The following ZFYVE1 variants were observed in gnomAD, a reference collection of about 807,000 sequenced individuals.
ZFYVE1 encodes the protein zinc finger FYVE domain-containing protein 1.
ZFYVE1 carries 30 observed loss-of-function variants against 74.4 expected under a neutral mutation model. That is an observed-to-expected ratio of 0.40 (90% CI 0.30 to 0.55). ZFYVE1 has a LOEUF of 0.55. Ranked by LOEUF, ZFYVE1 falls within the 20% of genes least tolerant of loss-of-function variation. ZFYVE1 has a pLI of 0.42. For synonymous variants in ZFYVE1, 335 were observed against 385.1 expected, an observed-to-expected ratio of 0.87 and a Z score of 1.52; for missense variants, 703 against 1,011.6, an observed-to-expected ratio of 0.69 and a Z score of 4.14.
intron 11 of ZFYVE1, among the ~76,000 whole-genome samples, chr14:72,972,730 CAG>C (rs1183669155): frequency 5.4e-5 from 8 of 147,368 alleles, no homozygotes; most frequent in African/African-American, 1.3e-4. Context: ...TTTTTTGAGA[CAG>C]AGTCTCGCTC....
intron 2 of ZFYVE1, among the ~76,000 whole-genome samples, chr14:73,023,440 TA>T (rs1157534453): frequency 7.5e-6 from 1 of 133,204 alleles, no homozygotes; most frequent in African/African-American, 2.8e-5. Context: ...ATTATATATA[TA>T]TTTTATATAT....
intron 3 of ZFYVE1, among the ~76,000 whole-genome samples, chr14:72,996,877 CGAAT>C (rs1893760978): frequency 6.6e-6 from 1 of 152,244 alleles, no homozygotes; most frequent in Non-Finnish European, 1.5e-5. Flanking sequence ...CTTTGATGAC[CGAAT>C]GAACAAGTGA....
chr14:73,025,660 C>T (rs1367217753), intron 1 of ZFYVE1, among the ~76,000 whole-genome samples: 4 of 141,022 alleles, frequency 2.8e-5, no homozygotes, highest in Non-Finnish European at 6.0e-5. Flanking sequence ...CTTGCCACTG[C>T]ACTCCAGCCT....
Position 72,974,011 on chromosome 14 carries a change from A to G in ZFYVE1, c.2101+69T>C. 2.1e-6 allele frequency: 3 copies of G among 1,407,372 alleles called. No individual in the cohort carries two copies. In the South Asian group the frequency reaches 3.5e-5, roughly 16 times the overall value. 87.2% of individuals were successfully genotyped at this position (1,407,372 alleles called of 1,614,324 possible). On this transcript the variant is annotated intron_variant, in intron 11 of 11. Coordinates refer to ENST00000556143, the MANE Select transcript of ZFYVE1 (RefSeq NM_021260.4). ...TAGGTTGGCAAGCCTTTACAAAGTG[A>G]CAGCCCAGGGCACCTGAAACCCCTC...
At chr14:73,015,998 T>C (rs532564086) in intron 2 of ZFYVE1, among the ~76,000 whole-genome samples, 10 of 152,252 alleles carry the variant, frequency 6.6e-5, no homozygotes, top group Non-Finnish European at 8.8e-5. Context: ...TGTTTCACCT[T>C]TCTTCTCCTG....
intron 2 of ZFYVE1, among the ~76,000 whole-genome samples, chr14:73,015,516 T>C (rs1010201459): frequency 2.6e-5 from 4 of 151,876 alleles, no homozygotes; most frequent in Non-Finnish European, 5.9e-5. Flanking sequence ...CTCAGCCTCC[T>C]GAGTAGCTGG....
At chr14:72,982,900 C>T (rs186092386) in intron 4 of ZFYVE1, among the ~76,000 whole-genome samples, 2 of 151,798 alleles carry the variant, frequency 1.3e-5, no homozygotes, top group Non-Finnish European at 2.9e-5. Context: ...CTGGAGTGCA[C>T]TGGCACGATC....
At chr14:73,009,257 C>T (rs1309728911) in intron 2 of ZFYVE1, among the ~76,000 whole-genome samples, 1 of 152,174 alleles carries the variant, frequency 6.6e-6, no homozygotes, top group African/African-American at 2.4e-5. Context: ...TGTTATTCAC[C>T]TCTAAAATGA....
At position 73,024,872 on chromosome 14, in the gene ZFYVE1, T is replaced by A. The variant is rs1894424381; in HGVS notation, c.-364A>T. On this transcript the variant is annotated 5_prime_UTR_variant, in exon 2 of 12. Transcript: ENST00000556143. ...TCGGTTGGACATCAGCTACAAAGTT[T>A]TGGTAATGAAAGAAAGTGGTCAGGA... 2 of 177,538 alleles carry A rather than the reference T, an allele frequency of 1.1e-5. No individual in the cohort carries two copies. Among genetic ancestry groups the A allele is most frequent in the South Asian group, 3.7e-4 (2 of 5,420 alleles). 11.0% of individuals were successfully genotyped at this position (177,538 alleles called of 1,614,324 possible). A position where few individuals can be genotyped will look rare whatever the true frequency, so the allele number is the denominator to read the frequency against.
chr14:72,988,496 T>A (rs186833699), intron 4 of ZFYVE1, among the ~76,000 whole-genome samples: 1 of 151,768 alleles, frequency 6.6e-6, no homozygotes, highest in Non-Finnish European at 1.5e-5. Flanking sequence ...TTTTTAAATA[T>A]ACTAATGGCA....
At chr14:73,014,205 T>G (rs922155921) in intron 2 of ZFYVE1, among the ~76,000 whole-genome samples, 9 of 152,176 alleles carry the variant, frequency 5.9e-5, no homozygotes, top group African/African-American at 1.9e-4. Context: ...TGGGTCAAAT[T>G]TGAAACATCC....
chr14:72,980,568 T>A (rs1437240236), intron 5 of ZFYVE1, among the ~76,000 whole-genome samples: 4 of 148,412 alleles, frequency 2.7e-5, no homozygotes, highest in Non-Finnish European at 1.5e-5. Context: ...TTTATTTATT[T>A]ATTTATTTAT....
chr14:73,003,054 C>CTTTTTTTTTTTTTTTTT (rs201185010), intron 2 of ZFYVE1, among the ~76,000 whole-genome samples: 1 of 102,970 alleles, frequency 9.7e-6, no homozygotes, highest in Non-Finnish European at 1.8e-5. Context: ...TTTTTCTTTT[C>CTTTTTTTTTTTTTTTTT]TTTTTTTTTT....
At chr14:72,978,384 T>G in intron 6 of ZFYVE1, 150 bp from the exon 7 acceptor site, 1 of 682,612 alleles carries the variant, frequency 1.5e-6, no homozygotes, top group Non-Finnish European at 2.4e-6. Flanking sequence ...CTGGCCAACA[T>G]GGTGAAACCC....
At chr14:72,992,766 T>C (rs1040836833) in intron 4 of ZFYVE1, among the ~76,000 whole-genome samples, 2 of 152,026 alleles carry the variant, frequency 1.3e-5, no homozygotes, top group African/African-American at 2.4e-5. Flanking sequence ...GTTTCCTCTA[T>C]GAATAAATTA....
At chr14:73,026,182 C>T (rs1008833539) in intron 1 of ZFYVE1, among the ~76,000 whole-genome samples, 4 of 149,262 alleles carry the variant, frequency 2.7e-5, no homozygotes, top group Non-Finnish European at 5.9e-5. Flanking sequence ...CTACTTTGAC[C>T]CATGGCAAAG....
chr14:72,985,867 C>G (rs181701060), intron 4 of ZFYVE1, among the ~76,000 whole-genome samples: 1 of 152,314 alleles, frequency 6.6e-6, no homozygotes, highest in East Asian at 1.9e-4. Flanking sequence ...CCTGCCTCAG[C>G]CTTCCAAACT....
chr14:72,972,039 T>A (rs1193765877), intron 11 of ZFYVE1, among the ~76,000 whole-genome samples: 1 of 152,056 alleles, frequency 6.6e-6, no homozygotes, highest in Non-Finnish European at 1.5e-5. Flanking sequence ...CTGGCCAACA[T>A]GGTGAAACCC....
intron 2 of ZFYVE1, among the ~76,000 whole-genome samples, chr14:73,022,276 G>A (rs565173148): frequency 6.6e-6 from 1 of 152,328 alleles, no homozygotes; most frequent in East Asian, 1.9e-4. Flanking sequence ...GACAATGGAA[G>A]TATACAGGAA....
Sources: allele counts gnomAD v4.1 joint callset (sites outside exome capture counted in the v4.1 genomes callset), GRCh38; gene constraint gnomAD v4.1.1; transcripts MANE v1.5; gene names NCBI Gene and HGNC (gene_info 2026-07-23, HGNC 2026-07-21).